Variants in SLC37A2 observed in about 807,000 individuals in gnomAD.
SLC37A2 encodes the protein solute carrier family 37 member 2, also known as glucose-6-phosphate exchanger SLC37A2.
A neutral mutation model predicts 70.7 loss-of-function variants in SLC37A2; 59 were observed. The observed-to-expected ratio is 0.83, with a 90% CI of 0.68 to 1.04. The LOEUF (loss-of-function observed/expected upper bound fraction) is 1.04, where lower values mean the gene tolerates loss of function less well. Ranked by LOEUF, SLC37A2 falls within the 50% of genes least tolerant of loss-of-function variation. The pLI, the probability that SLC37A2 is intolerant of heterozygous loss-of-function variation, is 0.00. For synonymous variants in SLC37A2, 257 were observed against 262.1 expected (o/e 0.98, Z 0.19); for missense variants, 580 against 658.1 (o/e 0.88, Z 1.30).
Position 125,063,552 on chromosome 11 carries a change from G to T in SLC37A2, c.59+126G>T, listed in dbSNP as rs560711253. 3.3e-4 allele frequency: 287 copies of T among 866,398 alleles called. 2 individuals are homozygous for T. In the South Asian group the frequency reaches 4.7e-3, roughly 14 times the overall value. The allele number at this position is 866,398 out of a possible 1,614,324, so 53.7% of individuals were successfully genotyped here. On this transcript the variant is annotated intron_variant, in intron 1 of 17. Coordinates refer to ENST00000403796, the MANE Select transcript of SLC37A2 (RefSeq NM_001145290.2). This position sits in a 1 kb window ranked among gnomAD's most constrained non-coding sequence, Gnocchi z 5.4. ...TCGCCGCGTGGCCAGGGGTGCTGGG[G>T]GGACTTGGTCCCGAGCTCCTCCAGC...
chr11:125,066,963 CTATTT>C (rs67287584), intron 1 of SLC37A2, among the ~76,000 whole-genome samples: 16 of 150,734 alleles, frequency 1.1e-4, no homozygotes, highest in Non-Finnish European at 1.6e-4. Context: ...AGCCTAGTAA[CTATTT>C]TATTTTATTT....
Position 125,085,042 on chromosome 11 carries a change from C to T in SLC37A2, c.1175-24C>T, listed in dbSNP as rs760127198. ...GCTGCGGGTGGTGCTGCTTCTCTGA[C>T]TGGCTGTCTCTATGCTGTCCCAGTG... is the stretch of plus-strand genomic sequence containing the variant. On this transcript the variant is annotated intron_variant, in intron 13 of 17. Coordinates refer to ENST00000403796, the MANE Select transcript of SLC37A2 (RefSeq NM_001145290.2). 9.3e-6 allele frequency: 15 copies of T among 1,613,042 alleles called. No individual in the cohort carries two copies. In the African/African-American group the frequency reaches 1.9e-4, roughly 20 times the overall value.
chr11:125,079,128 C>T lies in SLC37A2; in HGVS notation c.331C>T (p.Arg111Trp), dbSNP rs370819947. 9 of 1,614,028 alleles carry T rather than the reference C, an allele frequency of 5.6e-6. No individual in the cohort carries two copies. The highest frequency in any genetic ancestry group is 1.6e-4 in the Middle Eastern group (1 of 6,084). Residue 111 changes from arginine to tryptophan, a missense_variant, in exon 5 of 18, where the codon CGG becomes TGG. Physicochemically the swap from Arg to Trp is moderately radical, Grantham distance 101. Transcript: ENST00000403796. ...GMFISGVFGE[R>W]LPLRYYLSAG... Reference sequence around the variant, plus strand: ...CTTCCCCAGTGGGGTTTTTGGGGAGCGGCTTCCGCTCCGTTACTACCTCTC... The same window carrying T: ...CTTCCCCAGTGGGGTTTTTGGGGAGTGGCTTCCGCTCCGTTACTACCTCTC...
chr11:125,084,708 A>T, intron 12 of SLC37A2, 117 bp from the exon 13 acceptor site: 1 of 1,090,362 alleles, frequency 9.2e-7, no homozygotes, highest in South Asian at 1.4e-5. Flanking sequence ...TAGGCAGGGG[A>T]AAAGGAATAG....
intron 13 of SLC37A2, 39 bp from the exon 14 acceptor site, chr11:125,085,027 G>C (rs773585262): frequency 6.2e-7 from 1 of 1,609,494 alleles, no homozygotes; most frequent in Non-Finnish European, 8.5e-7. Context: ...GCTGCGGGTG[G>C]TGCTGCTTCT....
intron 14 of SLC37A2, 99 bp from the exon 15 acceptor site, chr11:125,085,296 A>C (rs573536298): frequency 2.2e-4 from 296 of 1,347,918 alleles, no homozygotes; most frequent in Middle Eastern, 8.7e-4. Flanking sequence ...TCAAGCCCAA[A>C]CCCCAGTTAC....
At chr11:125,072,612 G>T (rs567921188) in intron 1 of SLC37A2, among the ~76,000 whole-genome samples, 2 of 152,344 alleles carry the variant, frequency 1.3e-5, no homozygotes, top group South Asian at 4.1e-4. Flanking sequence ...GGGACCTCTT[G>T]ATTCACGAGG....
intron 12 of SLC37A2, 81 bp from the exon 13 acceptor site, chr11:125,084,744 G>A (rs996742922): frequency 1.4e-6 from 2 of 1,444,764 alleles, no homozygotes; most frequent in Admixed American, 3.7e-5. Context: ...TTCAGGGCAG[G>A]AGATGGTTGT....
At position 125,069,353 on chromosome 11, in the gene SLC37A2, G is replaced by A. The variant is rs145713168; in HGVS notation, c.59+5927G>A. Among the ~76,000 whole-genome samples, 1,053 of 152,318 alleles carry A rather than the reference G, an allele frequency of 6.9e-3. 61 individuals carry two copies. Among genetic ancestry groups the A allele is most frequent in the Admixed American group, 0.065 (995 of 15,298 alleles). On this transcript the variant is annotated intron_variant, in intron 1 of 17. Transcript: ENST00000403796. ...GCTGCCTTCCTAATGATAGTGTTGG[G>A]TGGGGAAAAGATTACATGGCCATTT...
intron 1 of SLC37A2, among the ~76,000 whole-genome samples, chr11:125,076,109 G>A (rs529913138): frequency 6.6e-6 from 1 of 152,104 alleles, no homozygotes; most frequent in African/African-American, 2.4e-5. Flanking sequence ...GCCAGGGCAT[G>A]GGATGAGACG....
At chr11:125,067,683 GC>G (rs1948995324) in intron 1 of SLC37A2, among the ~76,000 whole-genome samples, 1 of 152,094 alleles carries the variant, frequency 6.6e-6, no homozygotes, top group Non-Finnish European at 1.5e-5. Context: ...TCAAGATTTT[GC>G]CAACTTTGGC....
Position 125,085,340 on chromosome 11 carries a change from G to A in SLC37A2, c.1249-55G>A. ...CTGAGTCAGCCCCTCTCCTGTCCTG[G>A]TTCTGCTCATGCTGCTGCTCAGCTG... On this transcript the variant is annotated intron_variant, in intron 14 of 17. Coordinates refer to ENST00000403796, the MANE Select transcript of SLC37A2 (RefSeq NM_001145290.2). The A allele has an allele frequency of 1.9e-6, 3 of 1,559,440 alleles. No homozygotes were observed. The South Asian group carries it at 3.4e-5, about 18-fold the overall frequency.
intron 4 of SLC37A2, 52 bp downstream of exon 4, chr11:125,077,580 T>C (rs77657184): frequency 0.029 from 41,610 of 1,448,158 alleles, 717 homozygotes; most frequent in Middle Eastern, 0.064. Context: ...TTAGAGCTGC[T>C]ACCTCCCCTT....
rs1434712122 is a variant in SLC37A2, at chr11:125,083,825, T to C, written c.987T>C (p.Ser329=). 1.9e-6 allele frequency: 3 copies of C among 1,614,042 alleles called. No individual in the cohort carries two copies. The highest frequency in any genetic ancestry group is 1.7e-6 in the Non-Finnish European group (2 of 1,180,024). ...CTGTATTTTCCACAGCTCACTTTAG[T>C]GCCAAGGAGGCTGGGGACCTGTCTA... ...PLYIANVAHF[S]AKEAGDLSTL... Residue 329 remains serine, a synonymous_variant, in exon 11 of 18, where the codon AGT becomes AGC. Coordinates refer to ENST00000403796, the MANE Select transcript of SLC37A2 (RefSeq NM_001145290.2). The surrounding 1 kb of genome is among the most constrained non-coding windows in gnomAD (Gnocchi z 4.6).
At chr11:125,081,283 C>A in intron 7 of SLC37A2, 138 bp from the exon 8 acceptor site, 1 of 811,096 alleles carries the variant, frequency 1.2e-6, no homozygotes, top group Non-Finnish European at 2.0e-6. Context: ...GGGACACACA[C>A]TGGCCACCTT....
intron 4 of SLC37A2, among the ~76,000 whole-genome samples, chr11:125,078,813 T>A (rs1419679723): frequency 6.6e-6 from 1 of 151,580 alleles, no homozygotes; most frequent in African/African-American, 2.4e-5. Context: ...TGGAGCTATT[T>A]AGCCTATGGG....
rs55752830 is a variant in SLC37A2, at chr11:125,077,500, A to G, written c.286A>G (p.Ile96Val). Residue 96 changes from isoleucine (I) to valine (V), a missense_variant, in exon 4 of 18, where the codon ATC becomes GTC. Coordinates refer to ENST00000403796, the MANE Select transcript of SLC37A2 (RefSeq NM_001145290.2). ...LLGGVDNAFL[I>V]AYAIGMFISG... is the part of the protein sequence containing the mutation. ...AGGGGGCGTGGACAACGCCTTCCTC[A>G]TCGCCTATGCCATCGGCATGTTCAT... 0.36 allele frequency: 574,947 copies of G among 1,611,234 alleles called. 105,614 individuals carry two copies. Among genetic ancestry groups the G allele is most frequent in the African/African-American group, 0.51 (37,846 of 74,878 alleles).
chr11:125,078,309 AG>A (rs141501468), intron 4 of SLC37A2, among the ~76,000 whole-genome samples: 3,663 of 152,376 alleles, frequency 0.024, 57 homozygotes, highest in Middle Eastern at 0.065. Context: ...CCATGGGCAG[AG>A]ACGCATGGAA....
chr11:125,069,037 A>G (rs2135559607), intron 1 of SLC37A2, among the ~76,000 whole-genome samples: 2 of 152,370 alleles, frequency 1.3e-5, no homozygotes, highest in Admixed American at 1.3e-4. Context: ...TGAGGTTTAA[A>G]TGAGGTACTA....
Sources: allele counts gnomAD v4.1 joint callset (sites outside exome capture counted in the v4.1 genomes callset), GRCh38; gene constraint gnomAD v4.1.1; non-coding constraint Gnocchi (gnomAD v3.1); transcripts MANE v1.5; gene names NCBI Gene and HGNC (gene_info 2026-07-23, HGNC 2026-07-21).